Variants in CCT3 observed in about 807,000 individuals in gnomAD.
The protein encoded by CCT3 is T-complex protein 1 subunit gamma.
A neutral mutation model predicts 65.3 loss-of-function variants in CCT3; 10 were observed. The observed-to-expected ratio is 0.15, with a 90% CI of 0.09 to 0.26. The LOEUF is 0.26. Ranked by LOEUF, CCT3 falls within the 10% of genes least tolerant of loss-of-function variation. The probability of loss-of-function intolerance (pLI) is 1.00; values close to 1 mark genes in which losing one functional copy is unlikely to be tolerated. For missense variants in CCT3, 626 were observed against 708.7 expected (o/e 0.88, Z 1.33); for synonymous variants, 225 against 242.3 (o/e 0.93, Z 0.66).
intron 13 of CCT3, among the ~76,000 whole-genome samples, 154 bp downstream of exon 13, chr1:156,310,404 G>A (rs748223228): frequency 6.6e-6 from 1 of 152,082 alleles, no homozygotes; most frequent in African/African-American, 2.4e-5. Context: ...TGAGGCACAA[G>A]AATTGCTTGA....
intron 5 of CCT3, among the ~76,000 whole-genome samples, chr1:156,327,378 T>C (rs1664868476): frequency 6.6e-6 from 1 of 152,192 alleles, no homozygotes; most frequent in South Asian, 2.1e-4. Flanking sequence ...CTCGGCTCAC[T>C]GCAACCTCCC....
chr1:156,318,640 T>C (rs1664411451), intron 8 of CCT3, among the ~76,000 whole-genome samples: 1 of 152,188 alleles, frequency 6.6e-6, no homozygotes, highest in Admixed American at 6.5e-5. Flanking sequence ...AATCTTGATT[T>C]TGGCCAATAC....
chr1:156,337,806 A>C (rs538008503), intron 1 of CCT3: 1 of 362,496 alleles, frequency 2.8e-6, no homozygotes, highest in South Asian at 5.3e-5. Flanking sequence ...AAAAAACAAA[A>C]AAAAACGTTA....
chr1:156,332,438 A>G (rs1665142669), intron 5 of CCT3, among the ~76,000 whole-genome samples: 1 of 152,230 alleles, frequency 6.6e-6, no homozygotes, highest in Non-Finnish European at 1.5e-5. Context: ...GGAAGTAGAA[A>G]GATTAGTCTT....
chr1:156,320,771 T>C, intron 7 of CCT3, 68 bp downstream of exon 7: 1 of 1,123,756 alleles, frequency 8.9e-7, no homozygotes, highest in South Asian at 1.5e-5. Flanking sequence ...AACAGACTAT[T>C]TCCTCACAAG....
At chr1:156,316,738 A>G (rs1664329169) in intron 10 of CCT3, among the ~76,000 whole-genome samples, 1 of 152,244 alleles carries the variant, frequency 6.6e-6, no homozygotes, top group African/African-American at 2.4e-5. Flanking sequence ...GTGCAGAAGT[A>G]GTGAATGCAA....
In CCT3 at chr1:156,318,887, T is replaced by A. The variant is rs757411006; in HGVS notation, c.740A>T (p.Tyr247Phe). Reference sequence around the variant, plus strand: ...CCTTACCTGGCTTTCTCCTTTCTTGTATTCCAGAGAAGAATCCAGCAGCAC... The same window carrying A: ...CCTTACCTGGCTTTCTCCTTTCTTGAATTCCAGAGAAGAATCCAGCAGCAC... ...RIVLLDSSLE[Y>F]KKGESQTDIE... is the part of the protein sequence containing the mutation. The change falls in exon 8 of 14, where the codon TAC becomes TTC. Residue 247 changes from tyrosine to phenylalanine, a missense_variant. Coordinates refer to ENST00000295688, the MANE Select transcript of CCT3 (RefSeq NM_005998.5). 8 of 1,613,866 alleles carry A rather than the reference T, an allele frequency of 5.0e-6. No homozygotes were observed. The South Asian group carries it at 8.8e-5, about 18-fold the overall frequency.
rs748755739 is a variant in CCT3, at chr1:156,311,186, G to A, written c.1165C>T (p.Arg389Cys). The change falls in exon 12 of 14, where the codon CGC becomes TGC. Residue 389 changes from arginine (R) to cysteine (C), a missense_variant. Coordinates refer to ENST00000295688, the MANE Select transcript of CCT3 (RefSeq NM_005998.5). ...ASKEILSEVERNLQDAMQVCR... is the reference protein window; with the variant it reads ...ASKEILSEVECNLQDAMQVCR... ...ACTTGCATGGCATCCTGGAGGTTGC[G>A]TTCTACTTCCTTGGAGAAGCAAACA... is the stretch of plus-strand genomic sequence containing the variant. The A allele has an allele frequency of 3.7e-6, 6 of 1,613,594 alleles. No homozygotes were observed. Among genetic ancestry groups the A allele is most frequent in the Admixed American group, 3.3e-5 (2 of 59,968 alleles).
Position 156,318,745 on chromosome 1 carries a change from T to C in CCT3, c.759+123A>G, listed in dbSNP as rs888187555. On this transcript the variant is annotated intron_variant, in intron 8 of 13. Coordinates refer to ENST00000295688, the MANE Select transcript of CCT3 (RefSeq NM_005998.5). ...AATACCAACTATTCTAAAGGATTGT[T>C]CTAAGAGTCAGTGTACACTATGCAC... 8 of 855,408 alleles carry C rather than the reference T, an allele frequency of 9.4e-6. No homozygotes were observed. In the African/African-American group the frequency reaches 1.2e-4, roughly 13 times the overall value. The allele number at this position is 855,408 out of a possible 1,614,324, so 53.0% of individuals were successfully genotyped here.
At chr1:156,320,083 A>C (rs1179186668) in intron 7 of CCT3, among the ~76,000 whole-genome samples, 1 of 152,152 alleles carries the variant, frequency 6.6e-6, no homozygotes, top group Non-Finnish European at 1.5e-5. Context: ...TCCAGGCAGC[A>C]AGTATAGTTC....
rs570856632 is a variant in CCT3, at chr1:156,313,162, C to T, written c.975-941G>A. ...AGTTCGAGACCAGCCTGGTGAAACC[C>T]CGCCTCTACTAAAAATACAAGAAAA... On this transcript the variant is annotated intron_variant, in intron 10 of 13. Coordinates refer to ENST00000295688, the MANE Select transcript of CCT3 (RefSeq NM_005998.5). Among the ~76,000 whole-genome samples, 325 of 151,902 alleles carry T rather than the reference C, an allele frequency of 2.1e-3. 2 individuals are homozygous for T. Among genetic ancestry groups the T allele is most frequent in the Non-Finnish European group, 3.9e-3 (262 of 67,922 alleles).
Position 156,317,542 on chromosome 1 carries a change from G to A in CCT3, c.765C>T (p.Asp255=), listed in dbSNP as rs1664359381. The change falls in exon 9 of 14, where the codon GAC becomes GAT. Residue 255 remains aspartate (D), a synonymous_variant. Coordinates refer to ENST00000295688, the MANE Select transcript of CCT3 (RefSeq NM_005998.5). ...AGTCCTCCTCTCGTGTAATCTCAAT[G>A]TCAGTCTGTGTGGTAAAGAAAAGAC... ...LEYKKGESQT[D]IEITREEDFT... 3.1e-6 allele frequency: 5 copies of A among 1,612,274 alleles called. No homozygotes were observed. The highest frequency in any genetic ancestry group is 4.2e-6 in the Non-Finnish European group (5 of 1,178,676).
intron 10 of CCT3, 61 bp from the exon 11 acceptor site, chr1:156,312,282 A>G (rs1473084501): frequency 6.6e-7 from 1 of 1,524,610 alleles, no homozygotes; most frequent in African/African-American, 1.4e-5. Flanking sequence ...CCATTTCCCT[A>G]GTCTCTAGGG....
intron 5 of CCT3, among the ~76,000 whole-genome samples, chr1:156,325,535 A>T (rs1363034549): frequency 6.6e-6 from 1 of 152,052 alleles, no homozygotes; most frequent in East Asian, 1.9e-4. Context: ...CTCAAAAAAT[A>T]AAATGATGAA....
At chr1:156,324,730 C>G (rs187277752) in intron 6 of CCT3, among the ~76,000 whole-genome samples, 147 of 152,238 alleles carry the variant, frequency 9.7e-4, no homozygotes, top group Non-Finnish European at 1.7e-3. Context: ...CTGGTTCAGG[C>G]AATTCTCCTG....
chr1:156,335,302 C>G (rs182147149), intron 2 of CCT3: 39 of 198,046 alleles, frequency 2.0e-4, no homozygotes, highest in African/African-American at 7.7e-4. Flanking sequence ...AGAATGGATA[C>G]AGAAATGACT....
intron 4 of CCT3, 141 bp from the exon 5 acceptor site, chr1:156,333,784 T>C (rs573116651): frequency 3.3e-6 from 2 of 613,572 alleles, no homozygotes; most frequent in Non-Finnish European, 5.6e-6. Flanking sequence ...AAGATTAAAA[T>C]TGGCACCCCA....
intron 1 of CCT3, among the ~76,000 whole-genome samples, chr1:156,336,610 C>T (rs1665380740): frequency 6.6e-6 from 1 of 152,220 alleles, no homozygotes; most frequent in Non-Finnish European, 1.5e-5. Flanking sequence ...TAATCGGTCA[C>T]AGCCAACTAA....
chr1:156,329,990 C>T (rs947172598), intron 5 of CCT3, among the ~76,000 whole-genome samples: 6 of 151,576 alleles, frequency 4.0e-5, no homozygotes, highest in African/African-American at 1.5e-4. Flanking sequence ...AAGGATATAC[C>T]CTATTAAGAA....
Sources: gnomAD v4.1 joint callset for allele counts (sites outside exome capture counted in the v4.1 genomes callset) on GRCh38, gnomAD v4.1.1 for gene constraint, MANE v1.5 for transcripts, NCBI Gene and HGNC (gene_info 2026-07-23, HGNC 2026-07-21) for gene names.